MACROD2: variants seen among roughly 807,000 people sequenced by gnomAD.
The protein encoded by MACROD2 is ADP-ribose glycohydrolase MACROD2.
Under a neutral mutation model 70.4 loss-of-function variants are expected in MACROD2, and 36 were observed. That is an observed-to-expected ratio of 0.51 (90% CI 0.39 to 0.68). The LOEUF (loss-of-function observed/expected upper bound fraction) is 0.68. MACROD2 is among the 30% of genes least tolerant of loss of function. The probability of loss-of-function intolerance (pLI) is 0.00; values close to 1 mark genes in which losing one functional copy is unlikely to be tolerated. For synonymous variants in MACROD2, 172 were observed against 178.8 expected (o/e 0.96, Z 0.30); for missense variants, 496 against 538.4 (o/e 0.92, Z 0.78).
chr20:15,275,344 T>C (rs2077381434), intron 6 of MACROD2, among the ~76,000 whole-genome samples: 1 of 152,226 alleles, frequency 6.6e-6, no homozygotes, highest in Non-Finnish European at 1.5e-5. Context: ...GTTTTCATCC[T>C]AACAACAATG....
chr20:15,220,797 A>G (rs1302428155), intron 5 of MACROD2, among the ~76,000 whole-genome samples: 1 of 152,204 alleles, frequency 6.6e-6, no homozygotes, highest in Non-Finnish European at 1.5e-5. Context: ...AGAAATGGGG[A>G]AAGTCCTGTA....
Position 15,933,151 on chromosome 20 carries a change from G to T in MACROD2, c.776-125G>T, listed in dbSNP as rs558543723. 4.6e-5 allele frequency: 38 copies of T among 823,750 alleles called. 1 individual carries two copies. The African/African-American group carries it at 4.8e-4, about 10-fold the overall frequency. The allele number at this position is 823,750 out of a possible 1,614,324, so 51.0% of individuals were successfully genotyped here. ...TTTCATGCCTCTGATTCATCTCTCT[G>T]CCTGGCTTTATGGGGAGTCATGCTA... On this transcript the variant is annotated intron_variant, in intron 10 of 17. Transcript: ENST00000684519.
At chr20:14,186,758 C>T (rs554120752) in intron 3 of MACROD2, among the ~76,000 whole-genome samples, 22 of 152,230 alleles carry the variant, frequency 1.4e-4, no homozygotes, top group African/African-American at 5.1e-4. Context: ...TGGAATGCTA[C>T]GCAGCTATAG....
intron 5 of MACROD2, among the ~76,000 whole-genome samples, chr20:14,827,343 G>A (rs1326369510): frequency 6.6e-6 from 1 of 152,130 alleles, no homozygotes; most frequent in Non-Finnish European, 1.5e-5. Flanking sequence ...TTGACGATTT[G>A]AGCAAATTAT....
At chr20:14,909,432 G>A (rs1262578162) in intron 5 of MACROD2, among the ~76,000 whole-genome samples, 4 of 152,076 alleles carry the variant, frequency 2.6e-5, no homozygotes, top group East Asian at 1.9e-4. Flanking sequence ...ACCTGAGGTC[G>A]GGTAAATTAT....
At chr20:15,000,661 A>AAG (rs2074987965) in intron 5 of MACROD2, among the ~76,000 whole-genome samples, 3 of 148,658 alleles carry the variant, frequency 2.0e-5, no homozygotes, top group African/African-American at 7.4e-5. Flanking sequence ...AAAAAAAAAA[A>AAG]GAGGTAGAAA....
intron 5 of MACROD2, among the ~76,000 whole-genome samples, chr20:14,766,307 C>G (rs1432270665): frequency 6.6e-6 from 1 of 152,062 alleles, no homozygotes; most frequent in Non-Finnish European, 1.5e-5. Context: ...TTTATTTACT[C>G]TGGCATGGTC....
At position 14,124,225 on chromosome 20, in the gene MACROD2, C is replaced by T. The variant is rs141853983; in HGVS notation, c.271+38497C>T. On this transcript the variant is annotated intron_variant, in intron 3 of 17. Transcript: ENST00000684519. ...ATTGAATGTTTCTTGAAATTGGTGT[C>T]AAACTGTTTTTTATTTCATTTCTTT... Among the ~76,000 whole-genome samples the T allele has an allele frequency of 8.5e-4, 130 of 152,200 alleles. 2 individuals are homozygous for T. In the East Asian group the frequency reaches 0.023, roughly 27 times the overall value.
At chr20:14,501,073 T>A (rs186887856) in intron 4 of MACROD2, among the ~76,000 whole-genome samples, 21 of 152,142 alleles carry the variant, frequency 1.4e-4, no homozygotes, top group African/African-American at 4.3e-4. Context: ...CAGAAATGCT[T>A]TTAACAGGCA....
intron 8 of MACROD2, among the ~76,000 whole-genome samples, chr20:15,773,594 C>G (rs1029783605): frequency 1.3e-5 from 2 of 152,148 alleles, no homozygotes; most frequent in African/African-American, 4.8e-5. Flanking sequence ...AAGTATATTA[C>G]TGTGATTTAT....
At chr20:15,804,316 C>T (rs562785242) in intron 8 of MACROD2, among the ~76,000 whole-genome samples, 15 of 152,274 alleles carry the variant, frequency 9.9e-5, no homozygotes, top group Admixed American at 2.6e-4. Flanking sequence ...TATGTGTATA[C>T]GAAATCCTTA....
chr20:15,351,825 A>T (rs2078230624), intron 6 of MACROD2, among the ~76,000 whole-genome samples: 1 of 152,198 alleles, frequency 6.6e-6, no homozygotes, highest in Non-Finnish European at 1.5e-5. Context: ...GGCATGCCAA[A>T]CATTTTTTTA....
chr20:15,077,875 G>A (rs567304218), intron 5 of MACROD2, among the ~76,000 whole-genome samples: 14 of 152,266 alleles, frequency 9.2e-5, no homozygotes, highest in South Asian at 2.1e-4. Context: ...TTGCTGCAGC[G>A]TTTGGAAGTG....
At chr20:14,464,746 G>C (rs1231131830) in intron 3 of MACROD2, among the ~76,000 whole-genome samples, 2 of 151,824 alleles carry the variant, frequency 1.3e-5, no homozygotes, top group South Asian at 2.1e-4. Context: ...CTTTGTTCTC[G>C]TTGGTTTCAA....
chr20:14,414,318 C>T (rs971691559), intron 3 of MACROD2, among the ~76,000 whole-genome samples: 1 of 152,146 alleles, frequency 6.6e-6, no homozygotes, highest in African/African-American at 2.4e-5. Flanking sequence ...AGCCCCAAAC[C>T]GTAGTCGCTC....
intron 3 of MACROD2, among the ~76,000 whole-genome samples, chr20:14,288,317 G>A (rs1048898168): frequency 3.3e-5 from 5 of 152,220 alleles, no homozygotes; most frequent in Admixed American, 6.5e-5. Context: ...TGGCAGAGGA[G>A]TAAGATAAAA....
chr20:15,739,973 A>G (rs1229506385), intron 8 of MACROD2, among the ~76,000 whole-genome samples: 1 of 152,244 alleles, frequency 6.6e-6, no homozygotes, highest in African/African-American at 2.4e-5. Flanking sequence ...CTATTAGTCA[A>G]GATATGCAAA....
At chr20:15,166,634 CA>C (rs1428062595) in intron 5 of MACROD2, among the ~76,000 whole-genome samples, 1 of 151,674 alleles carries the variant, frequency 6.6e-6, no homozygotes, top group African/African-American at 2.4e-5. Flanking sequence ...TAAAATACAA[CA>C]ATCTATGCAT....
intron 3 of MACROD2, among the ~76,000 whole-genome samples, chr20:14,260,977 A>G (rs1012157927): frequency 7.9e-5 from 12 of 152,154 alleles, no homozygotes; most frequent in Non-Finnish European, 1.8e-4. Flanking sequence ...AGTACTTGGG[A>G]CAGGATTTAG....
Sources: allele counts gnomAD v4.1 joint callset (sites outside exome capture counted in the v4.1 genomes callset), GRCh38; gene constraint gnomAD v4.1.1; transcripts MANE v1.5; gene names NCBI Gene and HGNC (gene_info 2026-07-23, HGNC 2026-07-21).